The following ZNF732 variants were observed in gnomAD, a reference collection of about 807,000 sequenced individuals.
ZNF732 encodes the protein zinc finger protein 732.
A neutral mutation model predicts 11.5 loss-of-function variants in ZNF732; 12 were observed. That is an observed-to-expected ratio of 1.05 (90% confidence interval 0.67 to 1.70). The LOEUF (loss-of-function observed/expected upper bound fraction) is 1.70. ZNF732 is among the 40% of genes most tolerant of loss of function. The pLI, the probability that ZNF732 is intolerant of heterozygous loss-of-function variation, is 0.00. For missense variants in ZNF732, 702 were observed against 676.9 expected (o/e 1.04, Z -0.41); for synonymous variants, 231 against 236.5 (o/e 0.98, Z 0.21).
Position 271,030 on chromosome 4 carries a change from A to G in ZNF732, c.*69T>C, listed in dbSNP as rs1410947650. On this transcript the variant is annotated 3_prime_UTR_variant, in exon 4 of 4. Coordinates refer to ENST00000419098, the MANE Select transcript of ZNF732 (RefSeq NM_001137608.3). ...CTTCACATTTGTATAGTTTATTTCC[A>G]GTATAAATTTTCTTATGTTCATTCA... 2.5e-6 allele frequency: 3 copies of G among 1,214,884 alleles called. No homozygotes were observed. The highest frequency in any genetic ancestry group is 3.4e-6 in the Non-Finnish European group (3 of 873,166). The allele number at this position is 1,214,884 out of a possible 1,614,324, so 75.3% of individuals were successfully genotyped here.
Position 271,692 on chromosome 4 carries a change from GTTT to G in ZNF732, c.1162_1164del (p.Lys388del), listed in dbSNP as rs1411039401. On this transcript the variant is annotated inframe_deletion, in exon 4 of 4. Coordinates refer to ENST00000419098, the MANE Select transcript of ZNF732 (RefSeq NM_001137608.3). Reference sequence around the variant, plus strand: ...TTTCCACATTCTTCACATGTGTAGGGTTTCTCTCCAGTATGAATACTCTTATGT... The same window carrying G: ...TTTCCACATTCTTCACATGTGTAGGGCTCTCCAGTATGAATACTCTTATGT... The G allele has an allele frequency of 6.2e-7, 1 of 1,612,558 alleles. No individual in the cohort carries two copies. Among genetic ancestry groups the G allele is most frequent in the Non-Finnish European group, 8.5e-7 (1 of 1,179,264 alleles).
chr4:272,217 CAT>C lies in ZNF732; in HGVS notation c.638_639del (p.Tyr213Ter). 6.2e-7 allele frequency: 1 copy of C among 1,611,478 alleles called. No individual in the cohort carries two copies. On this transcript the variant is annotated frameshift_variant, in exon 4 of 4. Coordinates refer to ENST00000419098, the MANE Select transcript of ZNF732 (RefSeq NM_001137608.3). LOFTEE classifies it low-confidence loss of function (END_TRUNC). ...DFKWYLIFNE[Y>X]EIIHTGEKPF... Reference sequence around the variant, plus strand: ...GGTTTCTCTCCAGTATGAATTATCTCATATTCATTAAAGATTAAATACCATTT... The same window carrying C: ...GGTTTCTCTCCAGTATGAATTATCTCATTCATTAAAGATTAAATACCATTT...
intron 3 of ZNF732, among the ~76,000 whole-genome samples, chr4:275,488 G>C (rs914503503): frequency 6.6e-6 from 1 of 151,634 alleles, no homozygotes; most frequent in Admixed American, 6.6e-5. Flanking sequence ...CACAGCTCCT[G>C]ATTTCAAAAC....
At chr4:296,189 T>G (rs1553842275) in intron 1 of ZNF732, 34 bp from the exon 2 acceptor site, 2 of 1,602,348 alleles carry the variant, frequency 1.2e-6, no homozygotes, top group Admixed American at 3.6e-5. Context: ...GACAGAGTTC[T>G]TAATTTGACT....
intron 1 of ZNF732, among the ~76,000 whole-genome samples, 184 bp downstream of exon 1, chr4:305,124 G>C (rs1282366096): frequency 6.6e-6 from 1 of 152,194 alleles, no homozygotes; most frequent in African/African-American, 2.4e-5. Context: ...AGGGCTGCAG[G>C]CTGGGCCAAA....
At chr4:290,360 A>G (rs986563353) in intron 3 of ZNF732, among the ~76,000 whole-genome samples, 4 of 152,186 alleles carry the variant, frequency 2.6e-5, no homozygotes, top group Admixed American at 6.5e-5. Flanking sequence ...CTCAAATTCA[A>G]TCTCAGCTAT....
intron 1 of ZNF732, among the ~76,000 whole-genome samples, chr4:297,041 G>T (rs1193477190): frequency 1.3e-5 from 2 of 152,100 alleles, no homozygotes; most frequent in African/African-American, 4.8e-5. Context: ...AGGCCGTGGT[G>T]GGGGGATCAC....
intron 1 of ZNF732, among the ~76,000 whole-genome samples, chr4:296,571 T>C (rs549170289): frequency 6.6e-6 from 1 of 152,280 alleles, no homozygotes; most frequent in East Asian, 1.9e-4. Context: ...AGGTGATGAT[T>C]TCTCTTCAAA....
At chr4:301,711 C>A (rs1581551516) in intron 1 of ZNF732, among the ~76,000 whole-genome samples, 2 of 152,040 alleles carry the variant, frequency 1.3e-5, no homozygotes, top group East Asian at 3.9e-4. Context: ...CACACCAGAG[C>A]CTGTTGTGGG....
intron 3 of ZNF732, among the ~76,000 whole-genome samples, chr4:280,716 G>A (rs1553839625): frequency 6.6e-6 from 1 of 152,200 alleles, no homozygotes; most frequent in African/African-American, 2.4e-5. Context: ...TGGCATGCTT[G>A]CCCATCACAG....
rs782008193 is a variant in ZNF732, at chr4:271,939, G to T, written c.918C>A (p.Tyr306Ter). 6.2e-7 allele frequency: 1 copy of T among 1,609,122 alleles called. No homozygotes were observed. Among genetic ancestry groups the T allele is most frequent in the Non-Finnish European group, 8.5e-7 (1 of 1,177,512 alleles). ...AGACTTTGCCACATTCCTGACATTT[G>T]TAGAGTTTCTCTCCGGTATGAATTT... ...HKKIHTGEKL[Y>*]KCQECGKVFN... Residue 306 changes from tyrosine (Y) to a stop codon, truncating the protein, a stop_gained, in exon 4 of 4, where the codon TAC becomes TAA. Transcript: ENST00000419098. LOFTEE classifies it low-confidence loss of function (END_TRUNC).
chr4:299,343 GTA>G (rs573050738), intron 1 of ZNF732, among the ~76,000 whole-genome samples: 9 of 122,182 alleles, frequency 7.4e-5, no homozygotes, highest in African/African-American at 3.2e-4. Flanking sequence ...GCAGTTATGA[GTA>G]TATATACACA....
At chr4:295,857 A>T (rs781815994) in intron 2 of ZNF732, among the ~76,000 whole-genome samples, 172 bp downstream of exon 2, 8 of 152,242 alleles carry the variant, frequency 5.3e-5, no homozygotes, top group African/African-American at 1.7e-4. Context: ...AGGTTTACGT[A>T]AAGATAAAAC....
At chr4:301,556 G>C (rs374235749) in intron 1 of ZNF732, among the ~76,000 whole-genome samples, 4 of 152,202 alleles carry the variant, frequency 2.6e-5, no homozygotes, top group Admixed American at 6.5e-5. Context: ...TGATGAGTTC[G>C]TGTCCTTTGT....
intron 3 of ZNF732, among the ~76,000 whole-genome samples, chr4:284,404 A>G (rs1243272783): frequency 6.6e-6 from 1 of 152,200 alleles, no homozygotes; most frequent in Non-Finnish European, 1.5e-5. Context: ...ACATATCAAA[A>G]GTAGAATGTA....
At chr4:301,878 T>C (rs529453363) in intron 1 of ZNF732, among the ~76,000 whole-genome samples, 170 of 152,240 alleles carry the variant, frequency 1.1e-3, no homozygotes, top group African/African-American at 3.9e-3. Flanking sequence ...AAAAAATATA[T>C]AGACAGATAG....
intron 1 of ZNF732, among the ~76,000 whole-genome samples, chr4:299,103 G>A (rs1720023818): frequency 6.6e-6 from 1 of 151,998 alleles, no homozygotes; most frequent in Non-Finnish European, 1.5e-5. Flanking sequence ...GTTTTTATGT[G>A]CATATTCTAG....
At chr4:296,494 G>C (rs1553842303) in intron 1 of ZNF732, among the ~76,000 whole-genome samples, 1 of 152,046 alleles carries the variant, frequency 6.6e-6, no homozygotes, top group African/African-American at 2.4e-5. Flanking sequence ...TAATATGCGA[G>C]GAACTTAATT....
intron 1 of ZNF732, among the ~76,000 whole-genome samples, chr4:297,966 G>C (rs1490266089): frequency 6.6e-6 from 1 of 152,070 alleles, no homozygotes; most frequent in Non-Finnish European, 1.5e-5. Context: ...TCTTTTCTAA[G>C]CCTCCCCAAG....
Sources: gnomAD v4.1 joint callset for allele counts (sites outside exome capture counted in the v4.1 genomes callset) on GRCh38, gnomAD v4.1.1 for gene constraint, MANE v1.5 for transcripts, NCBI Gene and HGNC (gene_info 2026-07-23, HGNC 2026-07-21) for gene names.